The following RASEF variants were observed in gnomAD, a reference collection of about 807,000 sequenced individuals.
RASEF encodes the protein RAS and EF-hand domain containing.
A neutral mutation model predicts 90.1 loss-of-function variants in RASEF; 68 were observed. That is an observed-to-expected ratio of 0.75 (90% confidence interval 0.62 to 0.92). The LOEUF is 0.92. Ranked by LOEUF, RASEF falls within the 40% of genes least tolerant of loss-of-function variation. The pLI, the probability that RASEF is intolerant of heterozygous loss-of-function variation, is 0.00. For synonymous variants in RASEF, 331 were observed against 345.2 expected, an observed-to-expected ratio of 0.96 and a Z score of 0.46; for missense variants, 949 against 937.2, an observed-to-expected ratio of 1.01 and a Z score of -0.16.
chr9:83,033,755 T>C (rs1369437950), intron 1 of RASEF, among the ~76,000 whole-genome samples: 2 of 152,168 alleles, frequency 1.3e-5, no homozygotes, highest in Non-Finnish European at 2.9e-5. Context: ...AATCCAGAAA[T>C]GTAGAACTTC....
At chr9:83,119,960 G>A in the RASEF span, among the ~76,000 whole-genome samples, 1 of 152,118 alleles carries the variant, frequency 6.6e-6, no homozygotes, top group Non-Finnish European at 1.5e-5. Context: ...GGACCCTGTG[G>A]ACAAAGTTCT....
the RASEF span, among the ~76,000 whole-genome samples, chr9:83,168,877 C>T: frequency 2.8e-3 from 428 of 152,112 alleles, 5 homozygotes; most frequent in African/African-American, 9.3e-3. Flanking sequence ...TTGAAATATG[C>T]AATAAATTAT....
At chr9:83,142,922 A>T in the RASEF span, among the ~76,000 whole-genome samples, 1 of 152,146 alleles carries the variant, frequency 6.6e-6, no homozygotes, top group Admixed American at 6.6e-5. Context: ...TATCTTTTAC[A>T]TCTCTCAGAG....
At chr9:83,000,592 C>A (rs1023981061) in intron 10 of RASEF, 22 bp from the exon 11 acceptor site, 1 of 1,571,426 alleles carries the variant, frequency 6.4e-7, no homozygotes. Context: ...AAAATGTCAG[C>A]AGTTAAATTA....
intron 1 of RASEF, among the ~76,000 whole-genome samples, chr9:83,045,404 C>A (rs1002849658): frequency 1.3e-5 from 2 of 152,212 alleles, no homozygotes; most frequent in Admixed American, 6.5e-5. Flanking sequence ...TTCAACAGGG[C>A]AGGTCACTTC....
the RASEF span, among the ~76,000 whole-genome samples, chr9:83,179,261 G>A: frequency 6.6e-6 from 1 of 152,054 alleles, no homozygotes; most frequent in African/African-American, 2.4e-5. Flanking sequence ...TTGCATCACA[G>A]CATTAGTACA....
the RASEF span, among the ~76,000 whole-genome samples, chr9:83,134,443 CACACACAT>C: frequency 1.1e-4 from 16 of 151,364 alleles, no homozygotes; most frequent in Non-Finnish European, 1.5e-4. Flanking sequence ...CACACACACA[CACACACAT>C]ATATATATAT....
chr9:83,151,459 G>A, the RASEF span, among the ~76,000 whole-genome samples: 2 of 152,192 alleles, frequency 1.3e-5, no homozygotes, highest in Non-Finnish European at 1.5e-5. Context: ...AGACTTCTTA[G>A]TATGTAGGTA....
chr9:83,047,031 T>C (rs1267510016), intron 1 of RASEF, among the ~76,000 whole-genome samples: 1 of 152,188 alleles, frequency 6.6e-6, no homozygotes. Context: ...TTGTAAATGA[T>C]CACAGAGGGC....
the RASEF span, among the ~76,000 whole-genome samples, chr9:83,177,326 TATC>T: frequency 2.2e-4 from 34 of 152,302 alleles, no homozygotes; most frequent in African/African-American, 8.2e-4. Context: ...AACCTAAAAC[TATC>T]TAGAGTCACT....
chr9:83,001,384 C>T (rs1338896239), intron 9 of RASEF, among the ~76,000 whole-genome samples: 1 of 152,048 alleles, frequency 6.6e-6, no homozygotes, highest in Non-Finnish European at 1.5e-5. Flanking sequence ...AAATAATGTT[C>T]TTTATTTCCT....
chr9:83,172,652 T>C, the RASEF span, among the ~76,000 whole-genome samples: 2 of 151,900 alleles, frequency 1.3e-5, no homozygotes, highest in African/African-American at 4.8e-5. Context: ...ACTTTAAAAA[T>C]GTACACTAAC....
At chr9:83,207,354 G>T in the RASEF span, among the ~76,000 whole-genome samples, 95 of 152,302 alleles carry the variant, frequency 6.2e-4, no homozygotes, top group African/African-American at 2.1e-3. Flanking sequence ...TCCGCTCAGG[G>T]TGTCTGCACT....
chr9:83,104,784 G>A, the RASEF span, among the ~76,000 whole-genome samples: 78,387 of 151,916 alleles, frequency 0.52, 21,057 homozygotes, highest in East Asian at 0.68. Flanking sequence ...CTACAATTAT[G>A]TTAAAACATT....
chr9:83,174,805 T>C, the RASEF span, among the ~76,000 whole-genome samples: 26,390 of 152,160 alleles, frequency 0.17, 2,475 homozygotes, highest in Non-Finnish European at 0.21. Context: ...TTCAGCAATG[T>C]TTTCTGGTTG....
rs537390406 is a variant in RASEF, at chr9:83,010,998, CA to C, written c.844-1243del. 8.6e-4 allele frequency among the ~76,000 whole-genome samples: 130 copies of C among 151,840 alleles called. 1 individual carries two copies. The highest frequency in any genetic ancestry group is 1.6e-3 in the Non-Finnish European group (110 of 67,946). On this transcript the variant is annotated intron_variant, in intron 5 of 16. Transcript: ENST00000376447. ...AAATTAATAAATCACAGAGGAGTCC[CA>C]AAAAAGCCTATTTATCTAAACAAAC...
At chr9:82,983,070 A>G (rs970662170) in intron 16 of RASEF, among the ~76,000 whole-genome samples, 4 of 151,568 alleles carry the variant, frequency 2.6e-5, no homozygotes, top group African/African-American at 9.7e-5. Context: ...TTAAAACCAC[A>G]CAGGCTGGCT....
intron 1 of RASEF, among the ~76,000 whole-genome samples, chr9:83,035,042 A>G (rs368956901): frequency 5.3e-5 from 8 of 152,094 alleles, no homozygotes; most frequent in Non-Finnish European, 7.4e-5. Context: ...AAAGGAAGAA[A>G]ATCTTGTAGT....
chr9:83,030,133 G>A (rs1829618832), intron 1 of RASEF, among the ~76,000 whole-genome samples: 1 of 152,172 alleles, frequency 6.6e-6, no homozygotes, highest in African/African-American at 2.4e-5. Flanking sequence ...TTGGTGGGTA[G>A]ATCACCTGAG....
Sources: gnomAD v4.1 joint callset for allele counts (sites outside exome capture counted in the v4.1 genomes callset) on GRCh38, gnomAD v4.1.1 for gene constraint, MANE v1.5 for transcripts, NCBI Gene and HGNC (gene_info 2026-07-23, HGNC 2026-07-21) for gene names.